The following PCDH15 variants were observed in gnomAD, a reference collection of about 807,000 sequenced individuals.
PCDH15 encodes the protein protocadherin-15.
PCDH15 carries 129 observed loss-of-function variants against 178.5 expected under a neutral mutation model. The ratio of observed to expected loss-of-function variants is 0.72; its 90% CI spans 0.63 to 0.84. The LOEUF is 0.84. PCDH15 is among the 40% of genes least tolerant of loss of function. The pLI, the probability that PCDH15 is intolerant of heterozygous loss-of-function variation, is 0.00. For missense variants in PCDH15, 2,230 were observed against 2,099.9 expected (o/e 1.06, Z -1.21); for synonymous variants, 800 against 732.0 (o/e 1.09, Z -1.50).
At chr10:55,067,508 C>A (rs1006554576) in intron 2 of PCDH15, among the ~76,000 whole-genome samples, 1 of 151,864 alleles carries the variant, frequency 6.6e-6, no homozygotes, top group Admixed American at 6.6e-5. Context: ...GATTCCATAT[C>A]TTTGTTATTG....
chr10:55,373,589 G>A (rs1394170114), intron 2 of PCDH15, among the ~76,000 whole-genome samples: 2 of 152,000 alleles, frequency 1.3e-5, no homozygotes, highest in East Asian at 3.9e-4. Context: ...TTTAAGAATG[G>A]AGGAAAACAT....
intron 2 of PCDH15, among the ~76,000 whole-genome samples, chr10:54,982,418 TCAAG>T (rs1340971766): frequency 1.3e-5 from 2 of 152,046 alleles, no homozygotes; most frequent in South Asian, 4.1e-4. Context: ...AGTTTGTAAA[TCAAG>T]CAAGCATCAG....
intron 18 of PCDH15, among the ~76,000 whole-genome samples, chr10:54,056,599 T>C (rs982136243): frequency 2.6e-5 from 4 of 151,974 alleles, no homozygotes; most frequent in South Asian, 4.1e-4. Flanking sequence ...GCCCCTCCCT[T>C]GACACATGGG....
chr10:54,056,354 TAATTTATAAAAG>T (rs1419888930), intron 18 of PCDH15, among the ~76,000 whole-genome samples: 1 of 152,128 alleles, frequency 6.6e-6, no homozygotes. Context: ...TGAGACTGGA[TAATTTATAAAAG>T]AAAGAGGTTT....
intron 3 of PCDH15, among the ~76,000 whole-genome samples, chr10:54,864,410 T>C (rs1202118035): frequency 6.6e-6 from 1 of 152,180 alleles, no homozygotes; most frequent in African/African-American, 2.4e-5. Context: ...TAATATGGTA[T>C]GCTTTATTTT....
chr10:54,054,740 G>A lies in PCDH15; in HGVS notation c.2220+12017C>T, dbSNP rs145866981. On this transcript the variant is annotated intron_variant, in intron 18 of 37. Transcript: ENST00000644397. ...TGACCACATTTCAAAAATAGTCACA[G>A]ACATTAGGTAGATTTCTATTGTAAA... Among the ~76,000 whole-genome samples, 707 of 152,156 alleles carry A rather than the reference G, an allele frequency of 4.6e-3. 5 individuals are homozygous for A. The highest frequency in any genetic ancestry group is 0.016 in the African/African-American group (669 of 41,528).
At chr10:54,635,749 G>C (rs1002797528) in intron 2 of PCDH15, among the ~76,000 whole-genome samples, 15 of 151,788 alleles carry the variant, frequency 9.9e-5, no homozygotes, top group African/African-American at 3.1e-4. Flanking sequence ...CAAGGATGTA[G>C]GTTGACAGAG....
At chr10:55,598,924 C>T (rs1469147724) in intron 2 of PCDH15, among the ~76,000 whole-genome samples, 2 of 152,062 alleles carry the variant, frequency 1.3e-5, no homozygotes, top group African/African-American at 4.8e-5. Context: ...TTCATTACAA[C>T]CTGATCGCTT....
intron 2 of PCDH15, among the ~76,000 whole-genome samples, chr10:55,141,322 A>C (rs907088697): frequency 6.6e-6 from 1 of 152,076 alleles, no homozygotes; most frequent in Admixed American, 6.5e-5. Context: ...CAAAGGAAAA[A>C]GATACCAAGC....
chr10:55,037,264 C>A (rs12358936), intron 2 of PCDH15, among the ~76,000 whole-genome samples: 11,424 of 151,902 alleles, frequency 0.075, 671 homozygotes, highest in African/African-American at 0.16. Flanking sequence ...GACGGAGTCT[C>A]GCTCTGTTGC....
chr10:54,167,178 CT>C (rs1003513195), intron 13 of PCDH15, among the ~76,000 whole-genome samples: 3 of 152,192 alleles, frequency 2.0e-5, no homozygotes, highest in African/African-American at 4.8e-5. Context: ...GATCAATCCC[CT>C]GTCCTCCTGT....
At chr10:55,563,917 T>C (rs1842250151) in intron 2 of PCDH15, among the ~76,000 whole-genome samples, 1 of 151,868 alleles carries the variant, frequency 6.6e-6, no homozygotes, top group Admixed American at 6.6e-5. Flanking sequence ...CTATAAATGC[T>C]CAAGGAATCC....
intron 21 of PCDH15, among the ~76,000 whole-genome samples, chr10:53,991,897 G>A (rs1174066604): frequency 2.0e-5 from 3 of 152,134 alleles, no homozygotes; most frequent in Non-Finnish European, 4.4e-5. Context: ...TCAGCATGAT[G>A]TGGGTGGGGT....
intron 2 of PCDH15, among the ~76,000 whole-genome samples, chr10:55,622,336 G>A (rs1206331701): frequency 2.0e-5 from 3 of 151,214 alleles, no homozygotes; most frequent in African/African-American, 7.3e-5. Flanking sequence ...AGTCAAAACT[G>A]ATAATTGTAC....
chr10:54,204,418 T>C (rs947683204), intron 10 of PCDH15, among the ~76,000 whole-genome samples: 6 of 151,654 alleles, frequency 4.0e-5, no homozygotes, highest in Non-Finnish European at 5.9e-5. Context: ...TGTGGTTGTG[T>C]CAGGTGGAGG....
At chr10:54,896,768 G>A (rs1299731834) in intron 3 of PCDH15, among the ~76,000 whole-genome samples, 2 of 152,002 alleles carry the variant, frequency 1.3e-5, no homozygotes, top group African/African-American at 4.8e-5. Context: ...ACAAATAAGT[G>A]AATTGGCATA....
intron 26 of PCDH15, among the ~76,000 whole-genome samples, chr10:53,895,127 G>C (rs1315540272): frequency 6.6e-6 from 1 of 152,136 alleles, no homozygotes; most frequent in African/African-American, 2.4e-5. Flanking sequence ...AGGTGAGCAG[G>C]TATAGGGCTA....
chr10:54,434,259 AATTT>A (rs2075231182), intron 3 of PCDH15, among the ~76,000 whole-genome samples: 1 of 152,136 alleles, frequency 6.6e-6, no homozygotes, highest in Non-Finnish European at 1.5e-5. Context: ...AAAATTAATA[AATTT>A]ATTGTGATGA....
At chr10:55,130,011 G>A (rs1353797796) in intron 2 of PCDH15, among the ~76,000 whole-genome samples, 1 of 152,064 alleles carries the variant, frequency 6.6e-6, no homozygotes, top group African/African-American at 2.4e-5. Context: ...AGCATTTTAA[G>A]GGTTGGCTCT....
Sources: gnomAD v4.1 joint callset for allele counts (sites outside exome capture counted in the v4.1 genomes callset) on GRCh38, gnomAD v4.1.1 for gene constraint, MANE v1.5 for transcripts, NCBI Gene and HGNC (gene_info 2026-07-23, HGNC 2026-07-21) for gene names.